The following PIGF variants were observed in gnomAD, a reference collection of about 807,000 sequenced individuals.
PIGF encodes the protein phosphatidylinositol glycan anchor biosynthesis class F.
In PIGF, 23 loss-of-function variants were observed where a neutral mutation model predicts 26.0. The observed-to-expected ratio is 0.88, with a 90% confidence interval of 0.64 to 1.25. The LOEUF is 1.25. Ranked by LOEUF, PIGF falls within the 50% of genes most tolerant of loss-of-function variation. PIGF has a pLI of 0.00. For synonymous variants in PIGF, 93 were observed against 92.6 expected (o/e 1.00, Z -0.03); for missense variants, 278 against 249.9 (o/e 1.11, Z -0.76).
chr2:46,588,256 AG>A lies in PIGF; in HGVS notation c.546+4218del. On this transcript the variant is annotated intron_variant, in intron 5 of 5. Transcript: ENST00000281382. This position sits in a 1 kb window ranked among gnomAD's most constrained non-coding sequence, Gnocchi z 4.1. ...TGGCATAACTAAATACCAGAGAAAT[AG>A]ATAAATTAACAGTCCACTCTACCAA... The A allele has an allele frequency of 6.4e-7, 1 of 1,569,584 alleles. No homozygotes were observed. Among genetic ancestry groups the A allele is most frequent in the Non-Finnish European group, 8.6e-7 (1 of 1,160,118 alleles).
chr2:46,606,182 G>A (rs1317192014), intron 4 of PIGF, among the ~76,000 whole-genome samples: 1 of 152,168 alleles, frequency 6.6e-6, no homozygotes, highest in Non-Finnish European at 1.5e-5. Flanking sequence ...CACTAATGTG[G>A]TTCAAATTTC....
At chr2:46,595,860 T>C (rs1465805870) in intron 4 of PIGF, among the ~76,000 whole-genome samples, 1 of 152,120 alleles carries the variant, frequency 6.6e-6, no homozygotes, top group African/African-American at 2.4e-5. Flanking sequence ...TTCTTAAATA[T>C]CAAACTAAGG....
intron 4 of PIGF, among the ~76,000 whole-genome samples, chr2:46,608,269 T>A (rs973449286): frequency 2.6e-5 from 4 of 152,230 alleles, no homozygotes; most frequent in African/African-American, 9.6e-5. Context: ...ACCATTTTCT[T>A]TCTCATCCAG....
chr2:46,598,529 A>ATTTTTTTTTTTTTTTTT (rs747263045), intron 4 of PIGF, among the ~76,000 whole-genome samples: 28 of 103,508 alleles, frequency 2.7e-4, no homozygotes, highest in South Asian at 3.5e-4. Context: ...ACATTATGAG[A>ATTTTTTTTTTTTTTTTT]TTTTTTTTTT....
chr2:46,595,265 A>C (rs1318643475), intron 4 of PIGF, among the ~76,000 whole-genome samples: 1 of 151,832 alleles, frequency 6.6e-6, no homozygotes, highest in Admixed American at 6.6e-5. Context: ...ATCACTCTCC[A>C]TTTCTCCTTC....
intron 4 of PIGF, among the ~76,000 whole-genome samples, chr2:46,611,355 G>A (rs184762228): frequency 6.6e-6 from 1 of 151,992 alleles, no homozygotes; most frequent in Admixed American, 6.5e-5. Flanking sequence ...ATGGTGGCAT[G>A]CACCTGTAGT....
At chr2:46,595,377 T>C (rs1182968274) in intron 4 of PIGF, among the ~76,000 whole-genome samples, 1 of 152,218 alleles carries the variant, frequency 6.6e-6, no homozygotes. Flanking sequence ...ATGACTGGCT[T>C]CTTTTTCCTA....
chr2:46,598,529 A>ATTTTTTTTTTTTTTTTTTTTTTTTTTT (rs747263045), intron 4 of PIGF, among the ~76,000 whole-genome samples: 3 of 103,510 alleles, frequency 2.9e-5, no homozygotes, highest in Non-Finnish European at 5.4e-5. Context: ...ACATTATGAG[A>ATTTTTTTTTTTTTTTTTTTTTTTTTTT]TTTTTTTTTT....
chr2:46,613,653 T>A, intron 3 of PIGF, 41 bp downstream of exon 3: 1 of 1,400,598 alleles, frequency 7.1e-7, no homozygotes, highest in Non-Finnish European at 9.6e-7. Flanking sequence ...GGTAAATGAA[T>A]GTTTTAAAAT....
intron 2 of PIGF, chr2:46,614,333 A>G (rs1670536718): frequency 6.5e-6 from 1 of 153,256 alleles, no homozygotes; most frequent in East Asian, 1.9e-4. Context: ...TTAAGAATAT[A>G]TAAACATAAC....
chr2:46,583,404 T>C (rs1177694782), intron 5 of PIGF, among the ~76,000 whole-genome samples: 1 of 152,172 alleles, frequency 6.6e-6, no homozygotes, highest in African/African-American at 2.4e-5. Context: ...TGTTGGATGT[T>C]ACCTTTTCAG....
intron 4 of PIGF, among the ~76,000 whole-genome samples, chr2:46,607,655 T>C (rs566229641): frequency 1.0e-3 from 156 of 152,226 alleles, no homozygotes; most frequent in African/African-American, 3.2e-3. Flanking sequence ...TGACGGCTGC[T>C]GACTGATCAG....
At position 46,615,140 on chromosome 2, in the gene PIGF, G is replaced by C. The variant is rs548278517; in HGVS notation, c.25C>G (p.Leu9Val). 6.5e-7 allele frequency: 1 copy of C among 1,533,976 alleles called. No homozygotes were observed. Among genetic ancestry groups the C allele is most frequent in the East Asian group, 2.2e-5 (1 of 44,464 alleles). Residue 9 changes from leucine (L) to valine (V), a missense_variant, in exon 2 of 6, where the codon CTA becomes GTA. Transcript: ENST00000281382. ...ATGCATAAAAGATGGGTATACAGTA[G>C]TCTCTTGATATCGTTATCTTTCATG... Reference protein sequence around the residue: MKDNDIKRLLYTHLLCIFS... With the variant: MKDNDIKRVLYTHLLCIFS...
chr2:46,612,346 T>TA lies in PIGF; in HGVS notation c.321-3dup. ...AATAAAAATGTTTCCAATGCCAACC[T>TA]AGAAAAAAAAAAAGATTACTTTTTA... is the stretch of plus-strand genomic sequence containing the variant. On this transcript the variant is annotated splice_polypyrimidine_tract_variant and splice_region_variant and intron_variant, in intron 3 of 5. Transcript: ENST00000281382. 1 of 1,135,136 alleles carries TA rather than the reference T, an allele frequency of 8.8e-7. No individual in the cohort carries two copies. The highest frequency in any genetic ancestry group is 2.7e-5 in the Admixed American group (1 of 36,804). 70.3% of individuals were successfully genotyped at this position (1,135,136 alleles called of 1,614,324 possible).
At chr2:46,593,673 A>G (rs1049594435) in intron 4 of PIGF, among the ~76,000 whole-genome samples, 7 of 152,186 alleles carry the variant, frequency 4.6e-5, no homozygotes, top group African/African-American at 1.4e-4. Flanking sequence ...GTAGAACAGG[A>G]GTCTGGTTAC....
At chr2:46,603,353 G>A (rs755279433) in intron 4 of PIGF, among the ~76,000 whole-genome samples, 1 of 151,752 alleles carries the variant, frequency 6.6e-6, no homozygotes, top group African/African-American at 2.4e-5. Flanking sequence ...ATAAATAGAA[G>A]AAACAATCCT....
intron 4 of PIGF, among the ~76,000 whole-genome samples, chr2:46,596,297 C>A (rs1372447494): frequency 6.6e-6 from 1 of 151,878 alleles, no homozygotes; most frequent in Non-Finnish European, 1.5e-5. Flanking sequence ...AAATCCATGC[C>A]TTCACATTTT....
intron 4 of PIGF, among the ~76,000 whole-genome samples, chr2:46,608,613 A>C (rs139919434): frequency 2.7e-4 from 41 of 152,322 alleles, no homozygotes; most frequent in African/African-American, 8.7e-4. Context: ...TGTGTTTCTT[A>C]AGTAATAAGA....
At chr2:46,600,704 T>C (rs1670029525) in intron 4 of PIGF, among the ~76,000 whole-genome samples, 2 of 152,104 alleles carry the variant, frequency 1.3e-5, no homozygotes, top group African/African-American at 4.8e-5. Context: ...TCTAGAACCA[T>C]CCAATTTCCG....
Sources: allele counts gnomAD v4.1 joint callset (sites outside exome capture counted in the v4.1 genomes callset), GRCh38; gene constraint gnomAD v4.1.1; non-coding constraint Gnocchi (gnomAD v3.1); transcripts MANE v1.5; gene names NCBI Gene and HGNC (gene_info 2026-07-23, HGNC 2026-07-21).